Variants in ACTA2 observed in about 807,000 individuals in gnomAD.
ACTA2 encodes actin alpha 2, smooth muscle, also known as actin, aortic smooth muscle.
A neutral mutation model predicts 39.5 loss-of-function variants in ACTA2; 12 were observed. That is an observed-to-expected ratio of 0.30 (90% CI 0.19 to 0.49). The LOEUF is 0.49. Ranked by LOEUF, ACTA2 falls within the 20% of genes least tolerant of loss-of-function variation. The probability of loss-of-function intolerance (pLI) is 0.99; values close to 1 mark genes in which losing one functional copy is unlikely to be tolerated. For missense variants in ACTA2, 236 were observed against 498.8 expected (o/e 0.47, Z 5.02); for synonymous variants, 158 against 180.6 (o/e 0.88, Z 1.00).
chr10:88,986,437 T>C (rs560582136), intron 1 of ACTA2, among the ~76,000 whole-genome samples: 3 of 152,334 alleles, frequency 2.0e-5, no homozygotes, highest in Admixed American at 6.5e-5. Context: ...GTTGCCACAG[T>C]CTAAACATTC....
chr10:88,957,482 T>C (rs1478578546), upstream of ACTA2, among the ~76,000 whole-genome samples: 1 of 152,184 alleles, frequency 6.6e-6, no homozygotes, highest in Non-Finnish European at 1.5e-5. Flanking sequence ...TACTCCTTTG[T>C]CAATTGCACT....
Position 88,939,763 on chromosome 10 carries a change from G to T in ACTA2, c.617-65C>A, listed in dbSNP as rs75275807. 9.8e-6 allele frequency: 15 copies of T among 1,531,874 alleles called. No individual in the cohort carries two copies. In the East Asian group the frequency reaches 3.4e-4, roughly 35 times the overall value. 94.9% of individuals were successfully genotyped at this position (1,531,874 alleles called of 1,614,324 possible). ...CTGCACAGGTGGCAAAGATTCACCT[G>T]CCCTACTGCAGTCTCTCCCTCAAGA... On this transcript the variant is annotated intron_variant, in intron 6 of 8. Coordinates refer to ENST00000224784, the MANE Select transcript of ACTA2 (RefSeq NM_001613.4).
At chr10:88,962,316 C>G (rs1435426112) in intron 1 of ACTA2, among the ~76,000 whole-genome samples, 1 of 152,176 alleles carries the variant, frequency 6.6e-6, no homozygotes, top group Non-Finnish European at 1.5e-5. Flanking sequence ...AAATTCTGAT[C>G]TACAAACAAT....
At chr10:88,938,364 T>C in intron 7 of ACTA2, 122 bp from the exon 8 acceptor site, 2 of 1,093,648 alleles carry the variant, frequency 1.8e-6, no homozygotes, top group South Asian at 2.5e-5. Flanking sequence ...GACATAATAA[T>C]CTAGGAACCA....
At chr10:88,937,632 T>C (rs140208149) in intron 8 of ACTA2, among the ~76,000 whole-genome samples, 2 of 152,304 alleles carry the variant, frequency 1.3e-5, no homozygotes, top group African/African-American at 4.8e-5. Context: ...AGGTTAGTAG[T>C]GGAGGAAGAG....
chr10:88,978,307 A>G (rs1420811818), intron 1 of ACTA2, among the ~76,000 whole-genome samples: 40 of 148,106 alleles, frequency 2.7e-4, no homozygotes, highest in Non-Finnish European at 5.5e-4. Context: ...CTAGATGACG[A>G]GTTAGTGGGT....
chr10:88,939,984 C>T (rs756379022), intron 6 of ACTA2: 22 of 459,758 alleles, frequency 4.8e-5, no homozygotes, highest in African/African-American at 3.0e-4. Context: ...CACACAGTAG[C>T]GGATCCTTTT....
intron 1 of ACTA2, among the ~76,000 whole-genome samples, chr10:88,979,659 C>T (rs1341616750): frequency 1.3e-5 from 2 of 151,630 alleles, no homozygotes; most frequent in African/African-American, 4.9e-5. Context: ...GGGGCGAGAA[C>T]AGCATAAATG....
chr10:88,983,215 A>G (rs1846754518), intron 1 of ACTA2, among the ~76,000 whole-genome samples: 1 of 152,200 alleles, frequency 6.6e-6, no homozygotes, highest in African/African-American at 2.4e-5. Flanking sequence ...AGAGGAGTGA[A>G]CATAAACAGC....
At chr10:88,971,589 T>C (rs1274850542) in intron 1 of ACTA2, among the ~76,000 whole-genome samples, 1 of 152,174 alleles carries the variant, frequency 6.6e-6, no homozygotes, top group Non-Finnish European at 1.5e-5. Flanking sequence ...TGGATTTGCC[T>C]TTTTTTCTTA....
At chr10:88,968,842 T>C (rs975458363) in intron 1 of ACTA2, among the ~76,000 whole-genome samples, 7 of 152,180 alleles carry the variant, frequency 4.6e-5, no homozygotes, top group African/African-American at 1.7e-4. Context: ...TTATACCTTA[T>C]TCATCCCTTT....
chr10:88,935,661 C>A, intron 8 of ACTA2: 1 of 368,628 alleles, frequency 2.7e-6, no homozygotes, highest in East Asian at 6.4e-5. Flanking sequence ...CCATGGCCCC[C>A]ACTTAAGAAC....
At chr10:88,978,553 T>TTG (rs1846631011) in intron 1 of ACTA2, among the ~76,000 whole-genome samples, 1 of 152,156 alleles carries the variant, frequency 6.6e-6, no homozygotes, top group Non-Finnish European at 1.5e-5. Context: ...TGGAAAGTGG[T>TTG]AAGAGAGAGA....
At chr10:88,948,531 TTGATGA>T (rs931075184) in intron 2 of ACTA2, 9 of 420,126 alleles carry the variant, frequency 2.1e-5, no homozygotes, top group Admixed American at 2.1e-4. Flanking sequence ...ATGAAATGAT[TTGATGA>T]TGATGATGAT....
At position 88,938,246 on chromosome 10, in the gene ACTA2, G is replaced by C. The variant is rs1013983814; in HGVS notation, c.809-4C>G. The C allele has an allele frequency of 8.7e-6, 14 of 1,613,838 alleles. No individual in the cohort carries two copies. The highest frequency in any genetic ancestry group is 1.2e-5 in the Non-Finnish European group (14 of 1,179,904). ...TGGATGCCAGCAGACTCCATCCCTG[G>C]AAAAGAGACACAGGCCATGGTCCTT... On this transcript the variant is annotated splice_region_variant and splice_polypyrimidine_tract_variant and intron_variant, in intron 7 of 8. Transcript: ENST00000224784.
chr10:88,982,660 GT>G (rs907622782), intron 1 of ACTA2, among the ~76,000 whole-genome samples: 14 of 151,550 alleles, frequency 9.2e-5, no homozygotes, highest in African/African-American at 2.7e-4. Flanking sequence ...AATGAACTAA[GT>G]TTTTTTTTCT....
At chr10:88,953,132 G>T (rs993382550), upstream of ACTA2, among the ~76,000 whole-genome samples, 2 of 152,232 alleles carry the variant, frequency 1.3e-5, no homozygotes, top group Admixed American at 1.3e-4. Context: ...TGGAATTTCA[G>T]GCCATTTCCT....
chr10:88,956,021 C>T (rs74593260), upstream of ACTA2, among the ~76,000 whole-genome samples: 1,108 of 152,148 alleles, frequency 7.3e-3, 26 homozygotes, highest in East Asian at 0.092. Context: ...ATGGTGAGCA[C>T]GATGTAATTA....
At chr10:88,949,587 A>T (rs1846013864) in intron 1 of ACTA2, among the ~76,000 whole-genome samples, 1 of 152,178 alleles carries the variant, frequency 6.6e-6, no homozygotes. Context: ...GGCTGCAATT[A>T]TCCACCGTTA....
Sources: gnomAD v4.1 joint callset for allele counts (sites outside exome capture counted in the v4.1 genomes callset) on GRCh38, gnomAD v4.1.1 for gene constraint, MANE v1.5 for transcripts, NCBI Gene and HGNC (gene_info 2026-07-23, HGNC 2026-07-21) for gene names.